The following SYBU variants were observed in gnomAD, a reference collection of about 807,000 sequenced individuals.
SYBU encodes GOLSYN A protein.
SYBU carries 21 observed loss-of-function variants against 35.9 expected under a neutral mutation model. The observed-to-expected ratio is 0.58, with a 90% CI of 0.41 to 0.84. The LOEUF (loss-of-function observed/expected upper bound fraction) is 0.84, where lower values mean the gene tolerates loss of function less well. Among genes scored for constraint, SYBU ranks in the 40% least tolerant of loss-of-function variants. The pLI, the probability that SYBU is intolerant of heterozygous loss-of-function variation, is 0.00. For missense variants in SYBU, 768 were observed against 848.2 expected (o/e 0.91, Z 1.17); for synonymous variants, 319 against 324.3 (o/e 0.98, Z 0.18).
At chr8:109,669,796 T>G (rs2130761281) in intron 1 of SYBU, among the ~76,000 whole-genome samples, 1 of 152,352 alleles carries the variant, frequency 6.6e-6, no homozygotes, top group Admixed American at 6.5e-5. Flanking sequence ...ATTACAATTG[T>G]CTTTGTTCAA....
chr8:109,578,512 A>G (rs1157427748), intron 5 of SYBU, among the ~76,000 whole-genome samples: 1 of 152,242 alleles, frequency 6.6e-6, no homozygotes, highest in Admixed American at 6.5e-5. Flanking sequence ...ATAATGGGTG[A>G]CCTCACTTCA....
rs577670834 is a variant in SYBU at position 109,606,620 on chromosome 8, A to T, written c.427+12222T>A. On this transcript the variant is annotated intron_variant, in intron 3 of 6. Transcript: ENST00000276646. ...GGCTCCAAAATCATGATCTCTATAG[A>T]ATTTCTCACACACCCATGTTTGTCT... 8.6e-4 allele frequency among the ~76,000 whole-genome samples: 131 copies of T among 152,268 alleles called. 1 individual carries two copies. The highest frequency in any genetic ancestry group is 3.1e-3 in the African/African-American group (129 of 41,546).
intron 3 of SYBU, chr8:109,603,393 A>G (rs1446556065): frequency 2.0e-6 from 2 of 985,250 alleles, no homozygotes; most frequent in Admixed American, 6.1e-5. Context: ...TATGCTCTGC[A>G]TTTCCTTGGA....
rs1207285271 is a variant in SYBU at position 109,615,999 on chromosome 8, T to TTC, written c.427+2842_427+2843insGA. On this transcript the variant is annotated intron_variant, in intron 3 of 6. Transcript: ENST00000276646. ...TTCCCTGTAATTTCTTTTCTTTTCTTTTCTTTCTTTTTTTTTTTTTTTTTT... is the reference window on the plus strand; with the variant it reads ...TTCCCTGTAATTTCTTTTCTTTTCTTTCTTCTTTCTTTTTTTTTTTTTTTTTT... Among the ~76,000 whole-genome samples the TTC allele has an allele frequency of 5.4e-3, 424 of 78,268 alleles. 46 individuals are homozygous for TTC. Among genetic ancestry groups the TTC allele is most frequent in the African/African-American group, 0.026 (374 of 14,266 alleles). 51.3% of individuals were successfully genotyped at this position (78,268 alleles called of 152,430 possible).
chr8:109,578,455 A>G (rs1822616114), intron 5 of SYBU, among the ~76,000 whole-genome samples: 1 of 152,212 alleles, frequency 6.6e-6, no homozygotes, highest in Non-Finnish European at 1.5e-5. Context: ...GACACAGCTA[A>G]CAGCTTGAGA....
At chr8:109,603,463 T>C in intron 3 of SYBU, 3 of 968,246 alleles carry the variant, frequency 3.1e-6, no homozygotes, top group East Asian at 2.3e-4. Flanking sequence ...ACAAAGCACA[T>C]GTTCCCAGGC....
intron 2 of SYBU, among the ~76,000 whole-genome samples, chr8:109,619,609 T>C (rs1812209748): frequency 1.3e-5 from 2 of 152,220 alleles, no homozygotes; most frequent in Non-Finnish European, 2.9e-5. Flanking sequence ...ACACTTTATA[T>C]AGTGTATTTT....
chr8:109,691,190 C>T lies in SYBU; in HGVS notation c.-58+143G>A, dbSNP rs1049000787. 3 of 593,608 alleles carry T rather than the reference C, an allele frequency of 5.1e-6. No individual in the cohort carries two copies. Among genetic ancestry groups the T allele is most frequent in the Non-Finnish European group, 9.1e-6 (3 of 331,164 alleles). The allele number at this position is 593,608 out of a possible 1,614,324, so 36.8% of individuals were successfully genotyped here. The stretch of plus-strand genomic sequence containing the variant: ...ACCTTCTTCTGTGCATCGCCGAGCA[C>T]CCTGGATACCTCCCGCATTGGAAAG... On this transcript the variant is annotated intron_variant, in intron 1 of 7. Coordinates refer to the SYBU transcript ENST00000422135. This position sits in a 1 kb window ranked among gnomAD's most constrained non-coding sequence, Gnocchi z 4.7.
At position 109,574,293 on chromosome 8, in the gene SYBU, T is replaced by G; in HGVS notation, c.*613A>C. 1 of 152,742 alleles carries G rather than the reference T, an allele frequency of 6.5e-6. No individual in the cohort carries two copies. The highest frequency in any genetic ancestry group is 2.4e-5 in the African/African-American group (1 of 41,574). The allele number at this position is 152,742 out of a possible 1,614,324, so 9.5% of individuals were successfully genotyped here. A position where few individuals can be genotyped will look rare whatever the true frequency, so the allele number is the denominator to read the frequency against. On this transcript the variant is annotated 3_prime_UTR_variant, in exon 7 of 7. Transcript: ENST00000276646. The stretch of plus-strand genomic sequence containing the variant: ...AAAACACTATATATAATAAGCAAAA[T>G]AAGTTAGTACATTGTAAACTTATGC...
rs1563783453 is a variant in SYBU at position 109,691,333 on chromosome 8, C to A, written c.-58G>T. The A allele has an allele frequency of 4.3e-6, 3 of 701,684 alleles. No individual in the cohort carries two copies. The African/African-American group carries it at 5.3e-5, about 12-fold the overall frequency. The allele number at this position is 701,684 out of a possible 1,614,324, so 43.5% of individuals were successfully genotyped here. A position where few individuals can be genotyped will look rare whatever the true frequency, so the allele number is the denominator to read the frequency against. ...GACCGCATAGGCGCCCCGGTCTTAC[C>A]CTTTCTCGCCCAGAAGGGCCCCATC... is the stretch of plus-strand genomic sequence containing the variant. On this transcript the variant is annotated splice_region_variant and 5_prime_UTR_variant, in exon 1 of 8. Transcript: ENST00000422135. This position sits in a 1 kb window ranked among gnomAD's most constrained non-coding sequence, Gnocchi z 4.7.
At chr8:109,660,617 T>C (rs1816526188) in intron 1 of SYBU, among the ~76,000 whole-genome samples, 1 of 152,152 alleles carries the variant, frequency 6.6e-6, no homozygotes, top group African/African-American at 2.4e-5. Context: ...ATATGGGAGC[T>C]GAAAGAAGTA....
intron 6 of SYBU, among the ~76,000 whole-genome samples, chr8:109,577,510 T>C (rs781620272): frequency 3.8e-4 from 58 of 152,182 alleles, no homozygotes; most frequent in Non-Finnish European, 6.5e-4. Flanking sequence ...TTGTGACCCA[T>C]TCTGCTGGAA....
At chr8:109,645,898 T>G (rs1815643727), upstream of SYBU, 1 of 154,850 alleles carries the variant, frequency 6.5e-6, no homozygotes, top group African/African-American at 2.4e-5. Flanking sequence ...AGGATAGCTG[T>G]GAGGGTTAGG....
intron 2 of SYBU, among the ~76,000 whole-genome samples, chr8:109,632,922 C>T (rs995693613): frequency 6.6e-5 from 10 of 152,142 alleles, no homozygotes; most frequent in African/African-American, 2.2e-4. Flanking sequence ...ATAGCCATGC[C>T]GGTAGTGTTT....
chr8:109,601,567 C>T (rs1458158560), intron 3 of SYBU, among the ~76,000 whole-genome samples: 1 of 151,968 alleles, frequency 6.6e-6, no homozygotes. Context: ...CCAGAAAACA[C>T]AGAGGAGGAA....
chr8:109,689,951 G>A (rs1363660891), intron 1 of SYBU, among the ~76,000 whole-genome samples: 2 of 150,858 alleles, frequency 1.3e-5, no homozygotes, highest in Non-Finnish European at 2.9e-5. Context: ...TAAAAATAAA[G>A]TTTTGGACCC....
intron 2 of SYBU, among the ~76,000 whole-genome samples, chr8:109,625,522 C>T (rs180791757): frequency 9.9e-5 from 15 of 152,178 alleles, no homozygotes; most frequent in Admixed American, 3.9e-4. Flanking sequence ...TCCTGGCTCA[C>T]GTGATTATTC....
At chr8:109,597,939 C>T (rs964206439) in intron 3 of SYBU, among the ~76,000 whole-genome samples, 1 of 152,078 alleles carries the variant, frequency 6.6e-6, no homozygotes, top group Non-Finnish European at 1.5e-5. Flanking sequence ...AACATGTTTC[C>T]CAGGTGGTGC....
intron 1 of SYBU, among the ~76,000 whole-genome samples, chr8:109,660,247 T>G (rs1052034431): frequency 1.3e-5 from 2 of 152,186 alleles, no homozygotes; most frequent in African/African-American, 4.8e-5. Flanking sequence ...TTTAAATTGT[T>G]TACATTTACA....
Sources: gnomAD v4.1 joint callset for allele counts (sites outside exome capture counted in the v4.1 genomes callset) on GRCh38, gnomAD v4.1.1 for gene constraint, Gnocchi (gnomAD v3.1) non-coding constraint, MANE v1.5 for transcripts, NCBI Gene and HGNC (gene_info 2026-07-23, HGNC 2026-07-21) for gene names.